The following BABAM2 variants were observed in gnomAD, a reference collection of about 807,000 sequenced individuals.
BABAM2 encodes BRISC and BRCA1-A complex member 2.
Under a neutral mutation model 54.7 loss-of-function variants are expected in BABAM2, and 31 were observed. That is an observed-to-expected ratio of 0.57 (90% CI 0.43 to 0.77). The LOEUF (loss-of-function observed/expected upper bound fraction) is 0.77. Ranked by LOEUF, BABAM2 falls within the 30% of genes least tolerant of loss-of-function variation. BABAM2 has a pLI of 0.00. For synonymous variants in BABAM2, 167 were observed against 162.9 expected, an observed-to-expected ratio of 1.03 and a Z score of -0.19; for missense variants, 364 against 455.8, an observed-to-expected ratio of 0.80 and a Z score of 1.83.
At chr2:27,901,894 C>A (rs1165163772) in intron 2 of BABAM2, among the ~76,000 whole-genome samples, 1 of 151,960 alleles carries the variant, frequency 6.6e-6, no homozygotes, top group Non-Finnish European at 1.5e-5. Context: ...TATTATTTTG[C>A]GTGTTTAAAA....
chr2:28,112,805 C>T (rs1170864570), intron 6 of BABAM2, among the ~76,000 whole-genome samples: 1 of 152,172 alleles, frequency 6.6e-6, no homozygotes, highest in African/African-American at 2.4e-5. Flanking sequence ...AATGGTTGAA[C>T]TAATTTACAC....
intron 2 of BABAM2, among the ~76,000 whole-genome samples, chr2:27,904,717 C>T (rs948720680): frequency 1.1e-4 from 16 of 152,136 alleles, no homozygotes; most frequent in Admixed American, 3.9e-4. Flanking sequence ...ATTCATGAAA[C>T]TATGACAATA....
rs1451766918 is a variant in BABAM2 at position 28,261,103 on chromosome 2, A to C, written c.934+16241A>C. On this transcript the variant is annotated intron_variant, in intron 10 of 11. Coordinates refer to ENST00000379624, the MANE Select transcript of BABAM2 (RefSeq NM_199191.3). ...ATTACAGGCACACACCACCATACCC[A>C]GCCAATTTTTGTATTTTTAGTAGAG... Among the ~76,000 whole-genome samples, 4 of 151,290 alleles carry C rather than the reference A, an allele frequency of 2.6e-5. No homozygotes were observed. The East Asian group carries it at 7.9e-4, about 30-fold the overall frequency.
At chr2:28,156,302 A>G (rs967354429) in intron 7 of BABAM2, among the ~76,000 whole-genome samples, 7 of 152,170 alleles carry the variant, frequency 4.6e-5, no homozygotes, top group African/African-American at 1.7e-4. Flanking sequence ...GTATTTCTAC[A>G]TGGCTGTCTG....
Position 28,308,924 on chromosome 2 carries a change from A to G in BABAM2, c.1088+10433A>G, listed in dbSNP as rs190404180. 139 of 152,812 alleles carry G rather than the reference A, an allele frequency of 9.1e-4. 1 individual carries two copies. The highest frequency in any genetic ancestry group is 1.6e-3 in the Non-Finnish European group (109 of 68,390). 9.5% of individuals were successfully genotyped at this position (152,812 alleles called of 1,614,324 possible). ...TTGAGAGGGTTATGATGGGTATCACATGGGGTGTATGATTTTCTGTGTTGC... is the reference window on the plus strand; with the variant it reads ...TTGAGAGGGTTATGATGGGTATCACGTGGGGTGTATGATTTTCTGTGTTGC... On this transcript the variant is annotated intron_variant, in intron 11 of 11. Transcript: ENST00000379624.
At chr2:28,050,057 A>G (rs1677888618) in intron 6 of BABAM2, among the ~76,000 whole-genome samples, 1 of 152,216 alleles carries the variant, frequency 6.6e-6, no homozygotes, top group African/African-American at 2.4e-5. Context: ...GGAGTGAACT[A>G]GCATGTATGT....
At chr2:28,312,563 G>A (rs1689173956) in intron 11 of BABAM2, among the ~76,000 whole-genome samples, 1 of 152,152 alleles carries the variant, frequency 6.6e-6, no homozygotes, top group South Asian at 2.1e-4. Context: ...TACAAAGCAG[G>A]AAGTTACGTA....
chr2:28,247,984 T>C (rs1683049852), intron 10 of BABAM2, among the ~76,000 whole-genome samples: 1 of 152,148 alleles, frequency 6.6e-6, no homozygotes, highest in Admixed American at 6.6e-5. Flanking sequence ...CATCCACTTA[T>C]TCCTTCCTTA....
intron 3 of BABAM2, among the ~76,000 whole-genome samples, chr2:27,958,963 C>G (rs1409245923): frequency 6.6e-6 from 1 of 152,144 alleles, no homozygotes; most frequent in Non-Finnish European, 1.5e-5. Context: ...CCCAAAGCCA[C>G]TTGTAGTTTT....
chr2:28,282,003 A>G (rs538972420), intron 10 of BABAM2, among the ~76,000 whole-genome samples: 1 of 152,330 alleles, frequency 6.6e-6, no homozygotes, highest in East Asian at 1.9e-4. Flanking sequence ...TGAAGTGCCA[A>G]GCCTTCAGGC....
chr2:28,019,780 C>T (rs1370990598), intron 4 of BABAM2, among the ~76,000 whole-genome samples: 3 of 152,138 alleles, frequency 2.0e-5, no homozygotes, highest in African/African-American at 7.2e-5. Flanking sequence ...TTTTTGTTGG[C>T]CATGTTGAAG....
At chr2:28,018,407 G>A (rs1195952849) in intron 4 of BABAM2, among the ~76,000 whole-genome samples, 2 of 152,144 alleles carry the variant, frequency 1.3e-5, no homozygotes. Flanking sequence ...CTCGTTGATT[G>A]ATGAATATTT....
At chr2:27,966,810 ATATT>A (rs1670875257) in intron 3 of BABAM2, among the ~76,000 whole-genome samples, 1 of 152,138 alleles carries the variant, frequency 6.6e-6, no homozygotes, top group African/African-American at 2.4e-5. Context: ...ATTCTCCTCT[ATATT>A]AAGTAGCTTT....
intron 3 of BABAM2, among the ~76,000 whole-genome samples, chr2:27,941,169 A>G (rs1043331886): frequency 2.0e-5 from 3 of 152,198 alleles, no homozygotes; most frequent in African/African-American, 7.2e-5. Flanking sequence ...ACAAGATAAG[A>G]TAAGCATAGC....
chr2:28,152,108 A>G (rs932748996), intron 7 of BABAM2, among the ~76,000 whole-genome samples: 4 of 152,244 alleles, frequency 2.6e-5, no homozygotes, highest in Non-Finnish European at 5.9e-5. Context: ...CCTTTAAGCT[A>G]TAACATTCTG....
intron 5 of BABAM2, among the ~76,000 whole-genome samples, chr2:28,039,912 G>T (rs1676938055): frequency 6.6e-6 from 1 of 151,860 alleles, no homozygotes; most frequent in Non-Finnish European, 1.5e-5. Context: ...TCATAGGTTA[G>T]ATAATTTTCT....
At chr2:28,153,163 G>A (rs1050839109) in intron 7 of BABAM2, among the ~76,000 whole-genome samples, 28 of 152,044 alleles carry the variant, frequency 1.8e-4, no homozygotes, top group Non-Finnish European at 1.6e-4. Flanking sequence ...ATGCAAAGAC[G>A]TATTAGGATT....
intron 4 of BABAM2, among the ~76,000 whole-genome samples, chr2:28,019,548 T>C (rs140317601): frequency 1.2e-4 from 18 of 152,338 alleles, no homozygotes; most frequent in African/African-American, 4.1e-4. Context: ...TTTTGGATTC[T>C]TGGTCATGAA....
At chr2:28,181,794 T>TAAAA (rs1349037134) in intron 7 of BABAM2, among the ~76,000 whole-genome samples, 13 of 149,580 alleles carry the variant, frequency 8.7e-5, no homozygotes, top group South Asian at 2.1e-4. Flanking sequence ...ATTTTTTTTT[T>TAAAA]AAAAAAAAAA....
Sources: allele counts gnomAD v4.1 joint callset (sites outside exome capture counted in the v4.1 genomes callset), GRCh38; gene constraint gnomAD v4.1.1; transcripts MANE v1.5; gene names NCBI Gene and HGNC (gene_info 2026-07-23, HGNC 2026-07-21).